Variants in EPB41L3 observed in about 807,000 individuals in gnomAD.
EPB41L3 encodes erythrocyte membrane protein band 4.1 like 3.
EPB41L3 carries 57 observed loss-of-function variants against 127.1 expected under a neutral mutation model. The observed-to-expected ratio is 0.45, with a 90% CI of 0.36 to 0.56. The LOEUF is 0.56. EPB41L3 is among the 20% of genes least tolerant of loss of function. The pLI is 0.00. For missense variants in EPB41L3, 1,273 were observed against 1,372.2 expected, an observed-to-expected ratio of 0.93 and a Z score of 1.14; for synonymous variants, 572 against 549.5, an observed-to-expected ratio of 1.04 and a Z score of -0.57.
chr18:5,599,031 CG>C (rs1267845896), intron 3 of EPB41L3, among the ~76,000 whole-genome samples: 12 of 152,070 alleles, frequency 7.9e-5, no homozygotes, highest in Non-Finnish European at 1.8e-4. Flanking sequence ...ATGCAGAATA[CG>C]ATGCAGAAGA....
chr18:5,558,992 G>A (rs2094081803), intron 3 of EPB41L3, among the ~76,000 whole-genome samples: 1 of 152,094 alleles, frequency 6.6e-6, no homozygotes, highest in Non-Finnish European at 1.5e-5. Context: ...ATAGTGTCTG[G>A]AATTAATTAA....
upstream of EPB41L3, among the ~76,000 whole-genome samples, chr18:5,548,417 A>T (rs1233862856): frequency 1.3e-5 from 2 of 152,234 alleles, no homozygotes; most frequent in Admixed American, 1.3e-4. Flanking sequence ...TGATAAGTAT[A>T]AATGTAGCAC....
intron 8 of EPB41L3, among the ~76,000 whole-genome samples, chr18:5,430,738 T>G (rs2078895186): frequency 6.6e-6 from 1 of 151,640 alleles, no homozygotes; most frequent in Non-Finnish European, 1.5e-5. Context: ...ATTTTTTTTT[T>G]TTTTGGTAGA....
chr18:5,449,358 C>T (rs986575165), intron 3 of EPB41L3, among the ~76,000 whole-genome samples: 2 of 152,172 alleles, frequency 1.3e-5, no homozygotes, highest in South Asian at 2.1e-4. Context: ...TGTGGAGCAA[C>T]AGAAACTCTT....
chr18:5,582,648 C>T (rs916642370), intron 3 of EPB41L3, among the ~76,000 whole-genome samples: 6 of 152,188 alleles, frequency 3.9e-5, no homozygotes, highest in African/African-American at 9.7e-5. Context: ...AAAGGACTCA[C>T]GCAATGAGCT....
intron 3 of EPB41L3, among the ~76,000 whole-genome samples, chr18:5,579,902 C>T (rs527913141): frequency 7.2e-4 from 109 of 152,286 alleles, no homozygotes; most frequent in African/African-American, 2.5e-3. Context: ...ATGATGATCA[C>T]GAAGACTGAC....
chr18:5,526,080 A>G (rs964526659), intron 1 of EPB41L3, among the ~76,000 whole-genome samples: 1 of 152,180 alleles, frequency 6.6e-6, no homozygotes, highest in South Asian at 2.1e-4. Flanking sequence ...ACAATTATCT[A>G]TGTCATTAGA....
intron 3 of EPB41L3, among the ~76,000 whole-genome samples, chr18:5,565,453 CTTTTT>C (rs1195826918): frequency 7.0e-6 from 1 of 141,862 alleles, no homozygotes; most frequent in Non-Finnish European, 1.5e-5. Context: ...CTTCTCTTTT[CTTTTT>C]TTTTTTTTAA....
chr18:5,536,503 A>T (rs201891071), intron 1 of EPB41L3, among the ~76,000 whole-genome samples: 15 of 91,598 alleles, frequency 1.6e-4, no homozygotes, highest in African/African-American at 7.1e-4. Flanking sequence ...TGTTACATTT[A>T]AAAAAAAAAA....
intron 16 of EPB41L3, chr18:5,398,981 C>A: frequency 2.5e-6 from 1 of 399,104 alleles, no homozygotes; most frequent in Non-Finnish European, 4.4e-6. Context: ...TCTTGGATTT[C>A]TCATCAGCGA....
At chr18:5,488,942 A>G in intron 2 of EPB41L3, 59 bp downstream of exon 2, 1 of 1,511,034 alleles carries the variant, frequency 6.6e-7, no homozygotes, top group Non-Finnish European at 8.7e-7. Flanking sequence ...CCAAGGTTAA[A>G]GCCGATCCTG....
intron 14 of EPB41L3, among the ~76,000 whole-genome samples, chr18:5,408,632 G>C (rs1332632932): frequency 6.6e-6 from 1 of 151,722 alleles, no homozygotes; most frequent in Non-Finnish European, 1.5e-5. Flanking sequence ...GACAAATATG[G>C]GGCAACTAAG....
At chr18:5,514,143 A>G (rs2092657579) in intron 1 of EPB41L3, among the ~76,000 whole-genome samples, 2 of 152,328 alleles carry the variant, frequency 1.3e-5, no homozygotes, top group South Asian at 4.1e-4. Flanking sequence ...TTATGCAGTG[A>G]TTACTTCAGT....
At chr18:5,554,132 A>G (rs1182720053) in intron 3 of EPB41L3, among the ~76,000 whole-genome samples, 1 of 152,238 alleles carries the variant, frequency 6.6e-6, no homozygotes, top group Non-Finnish European at 1.5e-5. Flanking sequence ...CAAAACTGTG[A>G]CGGGGCTACC....
Position 5,460,890 on chromosome 18 carries a change from T to G in EPB41L3, c.382-15646A>C, listed in dbSNP as rs1599245581. 2.0e-5 allele frequency among the ~76,000 whole-genome samples: 3 copies of G among 152,336 alleles called. No individual in the cohort carries two copies. The East Asian group carries it at 5.8e-4, about 29-fold the overall frequency. On this transcript the variant is annotated intron_variant, in intron 3 of 22. Coordinates refer to ENST00000341928, the MANE Select transcript of EPB41L3 (RefSeq NM_012307.5). Reference sequence around the variant, plus strand: ...CGCTTTCTACATATTTATTTTCTCTTTGTTATACTGGGTGCATTTATGTAA... The same window carrying G: ...CGCTTTCTACATATTTATTTTCTCTGTGTTATACTGGGTGCATTTATGTAA...
intron 1 of EPB41L3, among the ~76,000 whole-genome samples, chr18:5,513,003 A>G (rs1302162379): frequency 6.6e-6 from 1 of 152,182 alleles, no homozygotes; most frequent in Non-Finnish European, 1.5e-5. Flanking sequence ...TGAGGAAAAC[A>G]GCATGCATGA....
At position 5,433,536 on chromosome 18, in the gene EPB41L3, G is replaced by C. The variant is rs1056947311; in HGVS notation, c.845C>G (p.Ala282Gly). ...GGCATTTTCCAAGAAATGCATCTCTGCTTCTGCTGGCGTCATTCCTCTGAT... is the reference window on the plus strand; with the variant it reads ...GGCATTTTCCAAGAAATGCATCTCTCCTTCTGCTGGCGTCATTCCTCTGAT... ...KSHRGMTPAE[A>G]EMHFLENAKK... Residue 282 changes from alanine to glycine, a missense_variant, in exon 8 of 23, where the codon GCA becomes GGA. Physicochemically the swap from Ala to Gly is moderately conservative, Grantham distance 60 (BLOSUM62 0). Coordinates refer to ENST00000341928, the MANE Select transcript of EPB41L3 (RefSeq NM_012307.5). 4 of 1,612,800 alleles carry C rather than the reference G, an allele frequency of 2.5e-6. No individual in the cohort carries two copies. Among genetic ancestry groups the C allele is most frequent in the Non-Finnish European group, 3.4e-6 (4 of 1,179,680 alleles).
intron 1 of EPB41L3, among the ~76,000 whole-genome samples, chr18:5,506,918 TAAAC>T (rs762473264): frequency 4.6e-5 from 7 of 152,190 alleles, no homozygotes; most frequent in Non-Finnish European, 7.3e-5. Context: ...GACACTATGA[TAAAC>T]AAACTTACTG....
Position 5,543,961 on chromosome 18 carries a change from C to G in EPB41L3, c.-60G>C. On this transcript the variant is annotated 5_prime_UTR_variant, in exon 1 of 23. Coordinates refer to ENST00000341928, the MANE Select transcript of EPB41L3 (RefSeq NM_012307.5). This position sits in a 1 kb window ranked among gnomAD's most constrained non-coding sequence, Gnocchi z 5.2. ...CGCGCCGCGGCGTGGGGACTAGGCTCGGGCGCGCGTCCTCGGCGGCGGTGC... is the reference window on the plus strand; with the variant it reads ...CGCGCCGCGGCGTGGGGACTAGGCTGGGGCGCGCGTCCTCGGCGGCGGTGC... 1 of 985,660 alleles carries G rather than the reference C, an allele frequency of 1.0e-6. No individual in the cohort carries two copies. Among genetic ancestry groups the G allele is most frequent in the South Asian group, 4.7e-5 (1 of 21,290 alleles). 61.1% of individuals were successfully genotyped at this position (985,660 alleles called of 1,614,324 possible). A position where few individuals can be genotyped will look rare whatever the true frequency, so the allele number is the denominator to read the frequency against.
Sources: gnomAD v4.1 joint callset for allele counts (sites outside exome capture counted in the v4.1 genomes callset) on GRCh38, gnomAD v4.1.1 for gene constraint, Gnocchi (gnomAD v3.1) non-coding constraint, MANE v1.5 for transcripts, NCBI Gene and HGNC (gene_info 2026-07-23, HGNC 2026-07-21) for gene names.